Variants in NBEA observed in about 807,000 individuals in gnomAD.
NBEA encodes the protein lysosomal-trafficking regulator 2.
A neutral mutation model predicts 343.4 loss-of-function variants in NBEA; 44 were observed. The ratio of observed to expected loss-of-function variants is 0.13; its 90% confidence interval spans 0.10 to 0.16. NBEA has a LOEUF of 0.16. Ranked by LOEUF, NBEA falls within the 10% of genes least tolerant of loss-of-function variation. The probability of loss-of-function intolerance (pLI) is 1.00; values close to 1 mark genes in which losing one functional copy is unlikely to be tolerated. For synonymous variants in NBEA, 1,175 were observed against 1,238.7 expected, an observed-to-expected ratio of 0.95 and a Z score of 1.08; for missense variants, 2,555 against 3,631.3, an observed-to-expected ratio of 0.70 and a Z score of 7.62.
chr13:35,470,016 C>T (rs780385741), intron 40 of NBEA, among the ~76,000 whole-genome samples: 1 of 152,186 alleles, frequency 6.6e-6, no homozygotes, highest in African/African-American at 2.4e-5. Flanking sequence ...ATTCTCTCTG[C>T]GGCTGGTTTG....
chr13:35,201,386 A>G (rs1161743648), intron 31 of NBEA, among the ~76,000 whole-genome samples: 1 of 152,066 alleles, frequency 6.6e-6, no homozygotes, highest in Non-Finnish European at 1.5e-5. Context: ...TATTTTACAA[A>G]ATAAGGAAGC....
At chr13:35,005,674 G>A (rs953889470) in intron 1 of NBEA, among the ~76,000 whole-genome samples, 8 of 152,216 alleles carry the variant, frequency 5.3e-5, no homozygotes, top group Middle Eastern at 3.4e-3. Context: ...CTTGATAATT[G>A]TTATGATGGT....
In NBEA at chr13:35,104,167, C is replaced by T. The variant is rs1194352409; in HGVS notation, c.1681-5123C>T. On this transcript the variant is annotated intron_variant, in intron 11 of 58. Transcript: ENST00000379939. ...TACTTCCCCCATTGTTTCCATCACT[C>T]TTTCTTCAGATACTCACAGACTTTG... is the stretch of plus-strand genomic sequence containing the variant. Among the ~76,000 whole-genome samples, 13 of 151,952 alleles carry T rather than the reference C, an allele frequency of 8.6e-5. No individual in the cohort carries two copies. In the East Asian group the frequency reaches 2.5e-3, roughly 29 times the overall value.
At position 34,943,118 on chromosome 13, in the gene NBEA, A is replaced by G; in HGVS notation, c.294+4A>G. ...CGTGGAGACGGTGCTCAACCTGGTA[A>G]GGAAAAGGCGTGCTCTCAATCTGCT... On this transcript the variant is annotated splice_donor_region_variant and intron_variant, in intron 1 of 58. Transcript: ENST00000379939. 1 of 1,613,144 alleles carries G rather than the reference A, an allele frequency of 6.2e-7. No individual in the cohort carries two copies. The highest frequency in any genetic ancestry group is 8.5e-7 in the Non-Finnish European group (1 of 1,179,644).
chr13:35,148,633 A>AT (rs2068583599), intron 18 of NBEA, among the ~76,000 whole-genome samples: 1 of 152,222 alleles, frequency 6.6e-6, no homozygotes, highest in African/African-American at 2.4e-5. Flanking sequence ...TCATACACAT[A>AT]TGCACACAGA....
intron 36 of NBEA, among the ~76,000 whole-genome samples, chr13:35,337,358 G>A (rs770530724): frequency 3.9e-5 from 6 of 152,030 alleles, no homozygotes; most frequent in Non-Finnish European, 7.4e-5. Context: ...GGATGACTAT[G>A]CTAATATCAG....
At chr13:35,513,408 CTCAAAGTGCTAGGA>C (rs1000446119) in intron 41 of NBEA, among the ~76,000 whole-genome samples, 3 of 147,948 alleles carry the variant, frequency 2.0e-5, no homozygotes, top group African/African-American at 7.5e-5. Context: ...GCCTCAGCCT[CTCAAAGTGCTAGGA>C]TTACAGGCAT....
At chr13:35,248,389 GA>G (rs2031511376) in intron 34 of NBEA, among the ~76,000 whole-genome samples, 1 of 152,024 alleles carries the variant, frequency 6.6e-6, no homozygotes, top group Non-Finnish European at 1.5e-5. Context: ...ACTGTGTGGG[GA>G]AAAAAAGCCC....
chr13:35,245,067 A>G (rs2030970021), intron 34 of NBEA, among the ~76,000 whole-genome samples: 2 of 152,182 alleles, frequency 1.3e-5, no homozygotes, highest in South Asian at 4.1e-4. Context: ...ACCAATTTAG[A>G]TGCCCTTTAT....
At chr13:35,508,005 G>T (rs7333195) in intron 41 of NBEA, among the ~76,000 whole-genome samples, 64,682 of 151,974 alleles carry the variant, frequency 0.43, 14,382 homozygotes, top group East Asian at 0.74. Context: ...TATCACTTGT[G>T]GAGCACCTAC....
chr13:35,100,598 A>G (rs961505858), intron 11 of NBEA, among the ~76,000 whole-genome samples: 3 of 152,038 alleles, frequency 2.0e-5, no homozygotes, highest in African/African-American at 7.2e-5. Flanking sequence ...ATGAGAATGT[A>G]TCAGAAAATT....
chr13:34,977,920 G>A (rs2060233230), intron 1 of NBEA, among the ~76,000 whole-genome samples: 1 of 151,954 alleles, frequency 6.6e-6, no homozygotes, highest in Admixed American at 6.6e-5. Context: ...GACTCAAGCA[G>A]TCCACCTGCC....
At chr13:35,451,249 G>A (rs952859578) in intron 39 of NBEA, among the ~76,000 whole-genome samples, 2 of 152,014 alleles carry the variant, frequency 1.3e-5, no homozygotes, top group Non-Finnish European at 2.9e-5. Context: ...TGGGCCTCCC[G>A]GGTAGCTGGG....
In NBEA at chr13:35,359,832, ATGTGTGTGTGTG is replaced by A. The variant is rs60793996; in HGVS notation, c.6179+7526_6179+7537del. Reference sequence around the variant, plus strand: ...GAGTTTAATAGGTGTGTGTGTGTGTATGTGTGTGTGTGTGTGTGTGTGTGTGTGAGATCTCAG... The same window carrying A: ...GAGTTTAATAGGTGTGTGTGTGTGTATGTGTGTGTGTGTGTGAGATCTCAG... On this transcript the variant is annotated intron_variant, in intron 38 of 58. Coordinates refer to ENST00000379939, the MANE Select transcript of NBEA (RefSeq NM_001385012.1). Among the ~76,000 whole-genome samples the A allele has an allele frequency of 6.0e-3, 871 of 144,652 alleles. 10 individuals are homozygous for A. Among genetic ancestry groups the A allele is most frequent in the African/African-American group, 0.021 (828 of 40,174 alleles). The allele number at this position is 144,652 out of a possible 152,430, so 94.9% of individuals were successfully genotyped here. A position where few individuals can be genotyped will look rare whatever the true frequency, so the allele number is the denominator to read the frequency against.
chr13:35,468,781 G>T (rs1159886721), intron 40 of NBEA, among the ~76,000 whole-genome samples: 3 of 152,010 alleles, frequency 2.0e-5, no homozygotes, highest in Non-Finnish European at 4.4e-5. Flanking sequence ...GTGAATATTG[G>T]ACTATTAGTT....
chr13:35,084,351 A>T (rs1349210443), intron 10 of NBEA, among the ~76,000 whole-genome samples: 1 of 150,790 alleles, frequency 6.6e-6, no homozygotes, highest in African/African-American at 2.5e-5. Flanking sequence ...GCAAATGTAA[A>T]AGAACAGAAA....
chr13:35,375,161 A>C (rs1168967181), intron 38 of NBEA, among the ~76,000 whole-genome samples: 3 of 152,128 alleles, frequency 2.0e-5, no homozygotes, highest in Non-Finnish European at 4.4e-5. Flanking sequence ...CCTTCCTTTC[A>C]AAGCAGTACA....
intron 30 of NBEA, among the ~76,000 whole-genome samples, chr13:35,191,966 G>A (rs536568805): frequency 3.7e-4 from 56 of 152,066 alleles, no homozygotes; most frequent in Non-Finnish European, 6.0e-4. Context: ...TTCTCAAAAT[G>A]TATTAGATGA....
chr13:35,503,029 T>C (rs1594822555), intron 41 of NBEA, among the ~76,000 whole-genome samples: 1 of 152,244 alleles, frequency 6.6e-6, no homozygotes, highest in African/African-American at 2.4e-5. Flanking sequence ...GTCTTTTGCA[T>C]GTAAATGTTT....
Sources: allele counts gnomAD v4.1 joint callset (sites outside exome capture counted in the v4.1 genomes callset), GRCh38; gene constraint gnomAD v4.1.1; transcripts MANE v1.5; gene names NCBI Gene and HGNC (gene_info 2026-07-23, HGNC 2026-07-21).